Variants in MEAK7 observed in about 807,000 individuals in gnomAD.
MEAK7 encodes MTOR-associated protein MEAK7.
Under a neutral mutation model 40.5 loss-of-function variants are expected in MEAK7, and 68 were observed. The observed-to-expected ratio is 1.68, with a 90% CI of 1.38 to 2.06. The LOEUF is 2.06. Among genes scored for constraint, MEAK7 ranks in the 30% most tolerant of loss-of-function variants. The pLI, the probability that MEAK7 is intolerant of heterozygous loss-of-function variation, is 0.00. For synonymous variants in MEAK7, 338 were observed against 231.9 expected (o/e 1.46, Z -4.16); for missense variants, 918 against 580.5 (o/e 1.58, Z -5.98).
intron 1 of MEAK7, among the ~76,000 whole-genome samples, chr16:84,499,676 A>G (rs1196848954): frequency 6.6e-6 from 1 of 152,096 alleles, no homozygotes; most frequent in African/African-American, 2.4e-5. Context: ...TCCCTCCCAC[A>G]TGCCCTGGCC....
intron 5 of MEAK7, among the ~76,000 whole-genome samples, chr16:84,485,064 G>C (rs1367970958): frequency 6.6e-6 from 1 of 152,196 alleles, no homozygotes; most frequent in Non-Finnish European, 1.5e-5. Context: ...CATGCAGTGA[G>C]GCAGAGCAAT....
At chr16:84,484,800 C>T (rs1337075193) in intron 5 of MEAK7, among the ~76,000 whole-genome samples, 1 of 152,162 alleles carries the variant, frequency 6.6e-6, no homozygotes, top group African/African-American at 2.4e-5. Context: ...TTGTACCATG[C>T]GTGGTGTGAG....
intron 1 of MEAK7, among the ~76,000 whole-genome samples, chr16:84,501,802 G>A (rs932209894): frequency 6.6e-6 from 1 of 152,182 alleles, no homozygotes; most frequent in Non-Finnish European, 1.5e-5. Context: ...ACACGTCTCA[G>A]AACGGCTCAA....
rs1365920956 is a variant in MEAK7 at position 84,479,018 on chromosome 16, G to A, written c.*895C>T. On this transcript the variant is annotated 3_prime_UTR_variant, in exon 8 of 8. Transcript: ENST00000343629. ...AAGAGAACCACAACTTTGCTTCTCTGTAGACAGATCTCCCAACTTTCCCAT... is the reference window on the plus strand; with the variant it reads ...AAGAGAACCACAACTTTGCTTCTCTATAGACAGATCTCCCAACTTTCCCAT... The A allele has an allele frequency of 2.6e-5, 4 of 152,208 alleles. No individual in the cohort carries two copies. Among genetic ancestry groups the A allele is most frequent in the Admixed American group, 2.6e-4 (4 of 15,264 alleles). The allele number at this position is 152,208 out of a possible 1,614,324, so 9.4% of individuals were successfully genotyped here.
At position 84,503,647 on chromosome 16, in the gene MEAK7, G is replaced by C. The variant is rs559821053; in HGVS notation, c.-26+954C>G. On this transcript the variant is annotated intron_variant, in intron 1 of 7. Transcript: ENST00000343629. Reference sequence around the variant, plus strand: ...CATTTGATCTGCTTACTGGAGGTCAGAGACAGAATAATGGGCCCAAGACAA... The same window carrying C: ...CATTTGATCTGCTTACTGGAGGTCACAGACAGAATAATGGGCCCAAGACAA... Among the ~76,000 whole-genome samples the C allele has an allele frequency of 1.6e-4, 24 of 152,312 alleles. No homozygotes were observed. The South Asian group carries it at 3.7e-3, about 24-fold the overall frequency.
intron 3 of MEAK7, among the ~76,000 whole-genome samples, chr16:84,489,919 G>T (rs1913423482): frequency 6.6e-6 from 1 of 152,178 alleles, no homozygotes; most frequent in Admixed American, 6.5e-5. Context: ...AGGGGAATTG[G>T]AGGTTTTCCT....
chr16:84,484,128 C>T (rs1352898961), intron 5 of MEAK7, among the ~76,000 whole-genome samples: 1 of 152,212 alleles, frequency 6.6e-6, no homozygotes, highest in Non-Finnish European at 1.5e-5. Context: ...AGCAAGGTCG[C>T]AGGGCCACAG....
At position 84,497,556 on chromosome 16, in the gene MEAK7, G is replaced by C. The variant is rs1369975633; in HGVS notation, c.153+378C>G. The stretch of plus-strand genomic sequence containing the variant: ...GGGACGTGGTTCAAGAGACACACGA[G>C]GCAGGCTATCTCTCTCCTCTGATGT... On this transcript the variant is annotated intron_variant, in intron 2 of 7. Transcript: ENST00000343629. 18 of 1,295,416 alleles carry C rather than the reference G, an allele frequency of 1.4e-5. 1 individual carries two copies. The South Asian group carries it at 2.2e-4, about 16-fold the overall frequency. The allele number at this position is 1,295,416 out of a possible 1,614,324, so 80.2% of individuals were successfully genotyped here.
In MEAK7 at chr16:84,477,797, G is replaced by C. The variant is rs1912179779; in HGVS notation, c.*2116C>G. On this transcript the variant is annotated 3_prime_UTR_variant, in exon 8 of 8. Transcript: ENST00000343629. ...CCCTGCACACGCCCTAAAAAGGTTT[G>C]AGTGTCCAGAGGCAGAACCGTGCAC... The C allele has an allele frequency of 6.6e-6, 1 of 152,184 alleles. No homozygotes were observed. Among genetic ancestry groups the C allele is most frequent in the Admixed American group, 6.5e-5 (1 of 15,270 alleles). 9.4% of individuals were successfully genotyped at this position (152,184 alleles called of 1,614,324 possible).
At chr16:84,496,017 G>A (rs1914017880) in intron 2 of MEAK7, 104 bp from the exon 3 acceptor site, 3 of 1,285,448 alleles carry the variant, frequency 2.3e-6, no homozygotes, top group Admixed American at 2.3e-5. Context: ...GGGTCCTTGG[G>A]AAGTTTTCGT....
intron 1 of MEAK7, among the ~76,000 whole-genome samples, chr16:84,501,007 ATTGG>A (rs1262931271): frequency 6.7e-6 from 1 of 148,322 alleles, no homozygotes; most frequent in Non-Finnish European, 1.5e-5. Flanking sequence ...AGGCAGAAGA[ATTGG>A]TTGAACACGG....
Position 84,479,879 on chromosome 16 carries a change from C to T in MEAK7, c.*34G>A. The stretch of plus-strand genomic sequence containing the variant: ...GCGTTGCCCTCTACCCAGAGGAATC[C>T]AGGTCCTGGCTCCAGGAAGGCTCAG... On this transcript the variant is annotated 3_prime_UTR_variant, in exon 8 of 8. Coordinates refer to ENST00000343629, the MANE Select transcript of MEAK7 (RefSeq NM_020947.4). The T allele has an allele frequency of 6.5e-7, 1 of 1,540,590 alleles. No homozygotes were observed. The highest frequency in any genetic ancestry group is 8.9e-7 in the Non-Finnish European group (1 of 1,129,102).
intron 1 of MEAK7, among the ~76,000 whole-genome samples, chr16:84,503,320 C>G (rs1024262640): frequency 3.3e-5 from 5 of 152,230 alleles, no homozygotes; most frequent in African/African-American, 4.8e-5. Flanking sequence ...TAGGTGATGT[C>G]TGATCACCCT....
intron 1 of MEAK7, 29 bp from the exon 2 acceptor site, chr16:84,498,140 A>G (rs8046706): frequency 1.3e-6 from 2 of 1,531,784 alleles, no homozygotes; most frequent in Non-Finnish European, 1.7e-6. Context: ...CAACATTAGA[A>G]AAATCAAAAT....
chr16:84,480,409 G>A (rs1206180465), intron 7 of MEAK7, 120 bp downstream of exon 7: 3 of 1,215,106 alleles, frequency 2.5e-6, no homozygotes, highest in Non-Finnish European at 3.4e-6. Flanking sequence ...TCAGCTACCA[G>A]GATCAAATTT....
At chr16:84,494,619 T>C in intron 3 of MEAK7, 1 of 336,670 alleles carries the variant, frequency 3.0e-6, no homozygotes, top group Middle Eastern at 4.5e-4. Context: ...CTATATGAGT[T>C]TTCCAGTGTT....
At chr16:84,493,820 T>C (rs956834712) in intron 3 of MEAK7, among the ~76,000 whole-genome samples, 2 of 152,204 alleles carry the variant, frequency 1.3e-5, no homozygotes, top group Non-Finnish European at 2.9e-5. Flanking sequence ...AAAATGAAGC[T>C]GACCTGTAGA....
intron 5 of MEAK7, 38 bp downstream of exon 5, chr16:84,486,593 C>T (rs1322441070): frequency 2.0e-5 from 31 of 1,554,934 alleles, no homozygotes; most frequent in Non-Finnish European, 2.3e-5. Flanking sequence ...TTTGCCCGTG[C>T]TGTGCCACTC....
At chr16:84,491,482 T>G (rs1236824066) in intron 3 of MEAK7, among the ~76,000 whole-genome samples, 1 of 146,716 alleles carries the variant, frequency 6.8e-6, no homozygotes, top group Non-Finnish European at 1.5e-5. Context: ...GAGGTTGTAG[T>G]GAGCTGAGGT....
Sources: gnomAD v4.1 joint callset for allele counts (sites outside exome capture counted in the v4.1 genomes callset) on GRCh38, gnomAD v4.1.1 for gene constraint, MANE v1.5 for transcripts, NCBI Gene and HGNC (gene_info 2026-07-23, HGNC 2026-07-21) for gene names.